Variants in PDCD4 observed in about 807,000 individuals in gnomAD.
The protein encoded by PDCD4 is programmed cell death protein 4.
A neutral mutation model predicts 54.0 loss-of-function variants in PDCD4; 56 were observed. That is an observed-to-expected ratio of 1.04 (90% CI 0.84 to 1.30). The LOEUF (loss-of-function observed/expected upper bound fraction) is 1.30, where lower values mean the gene tolerates loss of function less well. Ranked by LOEUF, PDCD4 falls within the 50% of genes most tolerant of loss-of-function variation. The pLI is 0.00. For synonymous variants in PDCD4, 186 were observed against 194.8 expected (o/e 0.95, Z 0.37); for missense variants, 584 against 559.8 (o/e 1.04, Z -0.44).
intron 3 of PDCD4, among the ~76,000 whole-genome samples, chr10:110,881,955 G>A (rs1845599409): frequency 6.6e-6 from 1 of 152,066 alleles, no homozygotes; most frequent in South Asian, 2.1e-4. Context: ...TGTTTTCCTA[G>A]ATCTCACGGT....
chr10:110,896,095 AT>A lies in PDCD4; in HGVS notation c.1349+11del. 1 of 1,577,034 alleles carries A rather than the reference AT, an allele frequency of 6.3e-7. No homozygotes were observed. The highest frequency in any genetic ancestry group is 8.6e-7 in the Non-Finnish European group (1 of 1,160,164). ...AGATCTTTGTCCTTCAAGGTACTTT[AT>A]TTAAATACTACTTTCTCAATGTAAA... On this transcript the variant is annotated intron_variant, in intron 11 of 11. Coordinates refer to ENST00000280154, the MANE Select transcript of PDCD4 (RefSeq NM_014456.5).
chr10:110,888,220 G>C (rs966258892), intron 6 of PDCD4, among the ~76,000 whole-genome samples: 1 of 151,616 alleles, frequency 6.6e-6, no homozygotes, highest in Non-Finnish European at 1.5e-5. Flanking sequence ...TGTAGGTTAT[G>C]ATTGAATGCT....
At chr10:110,893,215 T>TA (rs1379534268) in intron 8 of PDCD4, among the ~76,000 whole-genome samples, 2 of 152,060 alleles carry the variant, frequency 1.3e-5, no homozygotes, top group Admixed American at 1.3e-4. Flanking sequence ...ATGCTTTAAA[T>TA]ATTTACTTAC....
At chr10:110,876,124 C>T in intron 2 of PDCD4, 54 bp downstream of exon 2, 1 of 1,444,468 alleles carries the variant, frequency 6.9e-7, no homozygotes, top group Admixed American at 1.8e-5. Context: ...CAGGATCTTG[C>T]TCTGTCACCC....
At chr10:110,873,767 GT>G (rs1845459687) in intron 1 of PDCD4, among the ~76,000 whole-genome samples, 1 of 152,126 alleles carries the variant, frequency 6.6e-6, no homozygotes, top group Admixed American at 6.5e-5. Context: ...AAACGTGTTT[GT>G]TGCTGTCAAA....
rs7100249 is a variant in PDCD4, at chr10:110,877,716, A to G, written c.43+1646A>G. On this transcript the variant is annotated intron_variant, in intron 2 of 11. Coordinates refer to ENST00000280154, the MANE Select transcript of PDCD4 (RefSeq NM_014456.5). Reference sequence around the variant, plus strand: ...TAAAAGACTTGTTCTTCAATATTTGAATAGGCCTAAGATAGACCCTCTTTG... The same window carrying G: ...TAAAAGACTTGTTCTTCAATATTTGGATAGGCCTAAGATAGACCCTCTTTG... 1.9e-3 allele frequency among the ~76,000 whole-genome samples: 287 copies of G among 152,298 alleles called. 2 individuals are homozygous for G. Among genetic ancestry groups the G allele is most frequent in the African/African-American group, 6.6e-3 (276 of 41,566 alleles).
Position 110,898,947 on chromosome 10 carries a change from T to C in PDCD4, c.*859T>C, listed in dbSNP as rs1232087130. 1 of 152,194 alleles carries C rather than the reference T, an allele frequency of 6.6e-6. No homozygotes were observed. Among genetic ancestry groups the C allele is most frequent in the African/African-American group, 2.4e-5 (1 of 41,418 alleles). The allele number at this position is 152,194 out of a possible 1,614,324, so 9.4% of individuals were successfully genotyped here. ...GGGGAAAAAAATGCAGGTATCACTT[T>C]ACTCCATTGTTATCTGACCTAGAGC... On this transcript the variant is annotated 3_prime_UTR_variant, in exon 12 of 12. Coordinates refer to ENST00000280154, the MANE Select transcript of PDCD4 (RefSeq NM_014456.5).
chr10:110,877,167 A>G (rs1845518213), intron 2 of PDCD4, among the ~76,000 whole-genome samples: 1 of 152,222 alleles, frequency 6.6e-6, no homozygotes, highest in South Asian at 2.1e-4. Context: ...AGGGTTATAA[A>G]TGGATAATAT....
At chr10:110,883,584 G>A (rs546585017) in intron 4 of PDCD4, among the ~76,000 whole-genome samples, 14 of 151,916 alleles carry the variant, frequency 9.2e-5, no homozygotes, top group Non-Finnish European at 2.1e-4. Flanking sequence ...TAATCTGCTT[G>A]TACTCCTCTC....
At chr10:110,874,459 T>A (rs1185016167) in intron 1 of PDCD4, among the ~76,000 whole-genome samples, 1 of 152,322 alleles carries the variant, frequency 6.6e-6, no homozygotes, top group Non-Finnish European at 1.5e-5. Context: ...TGAAGGATGC[T>A]GAGTGTTTAG....
At chr10:110,891,232 C>T (rs1213390205) in intron 8 of PDCD4, among the ~76,000 whole-genome samples, 3 of 151,712 alleles carry the variant, frequency 2.0e-5, no homozygotes, top group African/African-American at 7.3e-5. Flanking sequence ...TGGTGAAACC[C>T]CGTTTCTACT....
At chr10:110,876,615 C>G (rs1166800467) in intron 2 of PDCD4, 1 of 497,666 alleles carries the variant, frequency 2.0e-6, no homozygotes, top group Non-Finnish European at 3.3e-6. Flanking sequence ...TATAAACTTA[C>G]TGGTATCTTT....
In PDCD4 at chr10:110,894,520, AGAGT is replaced by A; in HGVS notation, c.1208_1209+2del. ...TACCATTACTGTAGACCAAATGAAA[AGAGT>A]AAGTATAACATTGTTTTTGAACAAC... is the stretch of plus-strand genomic sequence containing the variant. On this transcript the variant is annotated splice_donor_variant and coding_sequence_variant, in exon 10 of 12. Transcript: ENST00000280154. LOFTEE classifies it high-confidence loss of function. 1 of 1,268,108 alleles carries A rather than the reference AGAGT, an allele frequency of 7.9e-7. No individual in the cohort carries two copies. Among genetic ancestry groups the A allele is most frequent in the African/African-American group, 1.5e-5 (1 of 68,260 alleles). The allele number at this position is 1,268,108 out of a possible 1,614,324, so 78.6% of individuals were successfully genotyped here.
Position 110,898,752 on chromosome 10 carries a change from T to C in PDCD4, c.*664T>C. On this transcript the variant is annotated 3_prime_UTR_variant, in exon 12 of 12. Transcript: ENST00000280154. ...ATGTGAAGCAGTATTGATTCTTTAT[T>C]GGGAGTACATTTTTTTAGGTCTCTT... 1 of 152,610 alleles carries C rather than the reference T, an allele frequency of 6.6e-6. No homozygotes were observed. Among genetic ancestry groups the C allele is most frequent in the East Asian group, 1.9e-4 (1 of 5,190 alleles). 9.5% of individuals were successfully genotyped at this position (152,610 alleles called of 1,614,324 possible). A position where few individuals can be genotyped will look rare whatever the true frequency, so the allele number is the denominator to read the frequency against.
At chr10:110,876,319 A>T (rs776687547) in intron 2 of PDCD4, among the ~76,000 whole-genome samples, 9 of 152,150 alleles carry the variant, frequency 5.9e-5, no homozygotes, top group Admixed American at 2.6e-4. Flanking sequence ...AAATATCTTG[A>T]AGCTTGACTA....
chr10:110,880,728 T>C (rs1253237641), intron 2 of PDCD4, among the ~76,000 whole-genome samples: 1 of 152,228 alleles, frequency 6.6e-6, no homozygotes, highest in Non-Finnish European at 1.5e-5. Flanking sequence ...TCCTTATCTG[T>C]CTTCAATGTT....
intron 2 of PDCD4, among the ~76,000 whole-genome samples, chr10:110,877,435 C>T (rs962378279): frequency 6.6e-6 from 1 of 152,024 alleles, no homozygotes; most frequent in East Asian, 1.9e-4. Flanking sequence ...TCAACTATCT[C>T]AATAATTTGT....
At position 110,899,877 on chromosome 10, in the gene PDCD4, C is replaced by T. The variant is rs1845943438; in HGVS notation, c.*1789C>T. 6.6e-6 allele frequency: 1 copy of T among 152,292 alleles called. No individual in the cohort carries two copies. 9.4% of individuals were successfully genotyped at this position (152,292 alleles called of 1,614,324 possible). A position where few individuals can be genotyped will look rare whatever the true frequency, so the allele number is the denominator to read the frequency against. ...TCACACAAGATAGCATTAAACGTGA[C>T]ATGGCACATAAAATTGGTTAAAAAA... On this transcript the variant is annotated 3_prime_UTR_variant, in exon 12 of 12. Transcript: ENST00000280154.
chr10:110,877,095 A>G (rs1416280238), intron 2 of PDCD4, among the ~76,000 whole-genome samples: 1 of 152,200 alleles, frequency 6.6e-6, no homozygotes, highest in Non-Finnish European at 1.5e-5. Context: ...AATTGAAAAA[A>G]ATTTATGTAA....
Sources: gnomAD v4.1 joint callset for allele counts (sites outside exome capture counted in the v4.1 genomes callset) on GRCh38, gnomAD v4.1.1 for gene constraint, MANE v1.5 for transcripts, NCBI Gene and HGNC (gene_info 2026-07-23, HGNC 2026-07-21) for gene names.